Variants in RGS6 observed in about 807,000 individuals in gnomAD.
RGS6 encodes the protein regulator of G-protein signaling 6.
Under a neutral mutation model 78.5 loss-of-function variants are expected in RGS6, and 30 were observed. The observed-to-expected ratio is 0.38, with a 90% CI of 0.29 to 0.52. The LOEUF is 0.52. Among genes scored for constraint, RGS6 ranks in the 20% least tolerant of loss-of-function variants. RGS6 has a pLI of 0.85. For missense variants in RGS6, 495 were observed against 609.7 expected, an observed-to-expected ratio of 0.81 and a Z score of 1.98; for synonymous variants, 206 against 206.0, an observed-to-expected ratio of 1.00 and a Z score of 0.00.
At chr14:72,611,291 G>A in the RGS6 span, among the ~76,000 whole-genome samples, 12 of 152,296 alleles carry the variant, frequency 7.9e-5, no homozygotes, top group South Asian at 1.5e-3. Flanking sequence ...TGAAACAAAC[G>A]GTTTATTCCT....
intron 14 of RGS6, among the ~76,000 whole-genome samples, chr14:72,514,416 G>C (rs1760588834): frequency 6.6e-6 from 1 of 152,210 alleles, no homozygotes; most frequent in South Asian, 2.1e-4. Flanking sequence ...CAAATGGTTT[G>C]TCTTACCCAG....
intron 2 of RGS6, among the ~76,000 whole-genome samples, chr14:72,201,910 G>GA (rs929899129): frequency 1.4e-4 from 21 of 151,306 alleles, no homozygotes; most frequent in African/African-American, 4.4e-4. Flanking sequence ...TGTATCACAG[G>GA]AAAAAAAAAT....
intron 2 of RGS6, among the ~76,000 whole-genome samples, chr14:72,080,370 T>C (rs1380554605): frequency 1.3e-5 from 2 of 152,072 alleles, no homozygotes; most frequent in African/African-American, 4.8e-5. Context: ...ATTTTAAAAA[T>C]TGTTATTTAC....
At chr14:72,594,754 T>G in the RGS6 span, 1 of 152,140 alleles carries the variant, frequency 6.6e-6, no homozygotes, top group South Asian at 2.1e-4. Flanking sequence ...TGACCTCTCT[T>G]CCTTTTATTC....
intron 2 of RGS6, among the ~76,000 whole-genome samples, chr14:71,983,740 A>T (rs983492522): frequency 6.6e-6 from 1 of 152,130 alleles, no homozygotes; most frequent in Admixed American, 6.5e-5. Context: ...CCCCCAATTG[A>T]TTGTGACCTC....
At chr14:72,107,911 G>A (rs933362209) in intron 2 of RGS6, among the ~76,000 whole-genome samples, 4 of 151,992 alleles carry the variant, frequency 2.6e-5, no homozygotes, top group African/African-American at 9.7e-5. Context: ...AAACATTTTT[G>A]TGCATATGCT....
upstream of RGS6, among the ~76,000 whole-genome samples, chr14:71,928,661 C>G (rs1262846540): frequency 6.6e-6 from 1 of 152,180 alleles, no homozygotes; most frequent in African/African-American, 2.4e-5. Flanking sequence ...TACACATTTT[C>G]CTGCAACTCC....
the RGS6 span, among the ~76,000 whole-genome samples, chr14:71,920,247 C>A: frequency 2.3e-4 from 35 of 152,202 alleles, no homozygotes; most frequent in Non-Finnish European, 2.9e-4. Context: ...GTGGTTATCA[C>A]ACCCAAGGCA....
At chr14:71,912,921 G>A in the RGS6 span, among the ~76,000 whole-genome samples, 1 of 151,986 alleles carries the variant, frequency 6.6e-6, no homozygotes, top group Non-Finnish European at 1.5e-5. Context: ...TGACTCCCGG[G>A]TTCATGCCAT....
the RGS6 span, among the ~76,000 whole-genome samples, chr14:71,901,967 A>G: frequency 6.6e-6 from 1 of 152,206 alleles, no homozygotes; most frequent in Non-Finnish European, 1.5e-5. Context: ...GCAAATAAGG[A>G]TGGAATATTC....
At chr14:72,009,188 C>T (rs758530282) in intron 2 of RGS6, among the ~76,000 whole-genome samples, 13 of 152,154 alleles carry the variant, frequency 8.5e-5, no homozygotes, top group Non-Finnish European at 1.9e-4. Flanking sequence ...GATGCCATTT[C>T]TGAAAACAGA....
At chr14:72,523,425 G>A (rs535476661) in intron 15 of RGS6, among the ~76,000 whole-genome samples, 3 of 152,266 alleles carry the variant, frequency 2.0e-5, no homozygotes, top group East Asian at 1.9e-4. Flanking sequence ...TGGTCATGAT[G>A]GTTCTCATAA....
At chr14:71,875,201 A>T in the RGS6 span, among the ~76,000 whole-genome samples, 1 of 152,164 alleles carries the variant, frequency 6.6e-6, no homozygotes, top group African/African-American at 2.4e-5. Context: ...ATTGATTGGA[A>T]TAGTTTCAGA....
the RGS6 span, among the ~76,000 whole-genome samples, chr14:71,897,958 T>C: frequency 6.6e-6 from 1 of 152,182 alleles, no homozygotes. Context: ...CCTTTGAGGC[T>C]TTATTTTTTA....
chr14:72,587,951 T>C, the RGS6 span, among the ~76,000 whole-genome samples: 1 of 152,176 alleles, frequency 6.6e-6, no homozygotes, highest in Non-Finnish European at 1.5e-5. Context: ...CAGTAAGAGA[T>C]GGTAGTGCTT....
chr14:72,577,529 ACACCTGGGGAATAGCTGAAATGT>A, the RGS6 span, among the ~76,000 whole-genome samples: 54 of 152,272 alleles, frequency 3.5e-4, no homozygotes, highest in Admixed American at 9.2e-4. Context: ...TCTTACCATC[ACACCTGGGGAATAGCTGAAATGT>A]CACCAGGGAA....
At chr14:72,348,800 C>A (rs1330350311) in intron 2 of RGS6, among the ~76,000 whole-genome samples, 2 of 152,192 alleles carry the variant, frequency 1.3e-5, no homozygotes, top group Non-Finnish European at 2.9e-5. Context: ...CTGATAAATG[C>A]ATTTTTTCAG....
At chr14:72,549,007 T>C (rs1457635797) in intron 17 of RGS6, among the ~76,000 whole-genome samples, 1 of 152,178 alleles carries the variant, frequency 6.6e-6, no homozygotes, top group Non-Finnish European at 1.5e-5. Flanking sequence ...CCCCAAATAC[T>C]TGTTAAATGG....
At chr14:72,279,817 T>C (rs953365702) in intron 2 of RGS6, among the ~76,000 whole-genome samples, 5 of 151,944 alleles carry the variant, frequency 3.3e-5, no homozygotes, top group African/African-American at 1.2e-4. Flanking sequence ...AAGTATAGGG[T>C]ATAGAAGTGT....
Sources: allele counts gnomAD v4.1 joint callset (sites outside exome capture counted in the v4.1 genomes callset), GRCh38; gene constraint gnomAD v4.1.1; transcripts MANE v1.5; gene names NCBI Gene and HGNC (gene_info 2026-07-23, HGNC 2026-07-21).